Variants in LRRC42 observed in about 807,000 individuals in gnomAD.
The protein encoded by LRRC42 is leucine-rich repeat-containing protein 42.
A neutral mutation model predicts 44.3 loss-of-function variants in LRRC42; 43 were observed. The ratio of observed to expected loss-of-function variants is 0.97; its 90% CI spans 0.76 to 1.25. The LOEUF (loss-of-function observed/expected upper bound fraction) is 1.25. LRRC42 is among the 50% of genes most tolerant of loss of function. LRRC42 has a pLI of 0.00. For missense variants in LRRC42, 540 were observed against 509.1 expected (o/e 1.06, Z -0.58); for synonymous variants, 207 against 195.2 (o/e 1.06, Z -0.50).
chr1:53,947,029 A>G (rs1391898527), intron 1 of LRRC42, among the ~76,000 whole-genome samples: 1 of 149,932 alleles, frequency 6.7e-6, no homozygotes, highest in Non-Finnish European at 1.5e-5. Flanking sequence ...AAGGAAAGGG[A>G]TGGAGAGATT....
chr1:53,964,938 G>A (rs1013361837), intron 7 of LRRC42, among the ~76,000 whole-genome samples: 3 of 151,684 alleles, frequency 2.0e-5, no homozygotes, highest in Non-Finnish European at 2.9e-5. Context: ...CTACCGCCTC[G>A]GCCACCCAAA....
At chr1:53,957,531 T>C (rs1257851199) in intron 3 of LRRC42, among the ~76,000 whole-genome samples, 1 of 152,252 alleles carries the variant, frequency 6.6e-6, no homozygotes, top group African/African-American at 2.4e-5. Flanking sequence ...AAGTTGCTCG[T>C]GCTCAGGGTT....
intron 5 of LRRC42, 49 bp downstream of exon 5, chr1:53,960,523 C>G (rs944693882): frequency 7.6e-7 from 1 of 1,313,244 alleles, no homozygotes; most frequent in African/African-American, 1.5e-5. Flanking sequence ...GAAGAATGGC[C>G]TTAGAGATCA....
At chr1:53,964,167 A>G (rs1248859864) in intron 7 of LRRC42, among the ~76,000 whole-genome samples, 1 of 151,710 alleles carries the variant, frequency 6.6e-6, no homozygotes, top group Non-Finnish European at 1.5e-5. Context: ...TGAAGGAGAT[A>G]TTCTTCACCT....
At chr1:53,962,936 A>G (rs1485430551) in intron 7 of LRRC42, among the ~76,000 whole-genome samples, 2 of 152,032 alleles carry the variant, frequency 1.3e-5, no homozygotes, top group Non-Finnish European at 2.9e-5. Flanking sequence ...TTTTGTCTTG[A>G]TGGTCTTTCT....
intron 4 of LRRC42, among the ~76,000 whole-genome samples, chr1:53,959,613 T>A (rs939745401): frequency 6.6e-6 from 1 of 152,246 alleles, no homozygotes; most frequent in Non-Finnish European, 1.5e-5. Context: ...GGATTATGGG[T>A]ATACCTTATT....
chr1:53,964,846 T>C (rs1655085066), intron 7 of LRRC42, among the ~76,000 whole-genome samples: 1 of 152,058 alleles, frequency 6.6e-6, no homozygotes, highest in Non-Finnish European at 1.5e-5. Flanking sequence ...ACTCTGGAAC[T>C]GGTTTTTTGT....
chr1:53,951,917 G>C, intron 2 of LRRC42, 69 bp from the exon 3 acceptor site: 2 of 1,253,938 alleles, frequency 1.6e-6, no homozygotes, highest in Non-Finnish European at 2.2e-6. Flanking sequence ...CCTGGGCACA[G>C]CAAGATGAAG....
Position 53,967,684 on chromosome 1 carries a change from A to C in LRRC42, c.1032A>C (p.Ala344=), listed in dbSNP as rs1655163955. The change falls in exon 9 of 9, where the codon GCA becomes GCC. Residue 344 remains alanine, a synonymous_variant. Transcript: ENST00000371370. ...AQRFYGKRSR[A]EAPLKCPLAD... is the part of the protein sequence containing the mutation. Reference sequence around the variant, plus strand: ...TCACAGATGGGAAGCGGTCTCGAGCAGAAGCCCCACTGAAGTGTCCCCTGG... The same window carrying C: ...TCACAGATGGGAAGCGGTCTCGAGCCGAAGCCCCACTGAAGTGTCCCCTGG... The C allele has an allele frequency of 6.2e-7, 1 of 1,614,146 alleles. No individual in the cohort carries two copies. The highest frequency in any genetic ancestry group is 2.2e-5 in the East Asian group (1 of 44,884).
At chr1:53,951,955 G>T in intron 2 of LRRC42, 31 bp from the exon 3 acceptor site, 1 of 1,506,428 alleles carries the variant, frequency 6.6e-7, no homozygotes, top group Non-Finnish European at 9.1e-7. Flanking sequence ...CATTTTAATT[G>T]GATTTGCTTC....
chr1:53,958,142 T>G lies in LRRC42; in HGVS notation c.474-7T>G, dbSNP rs760617464. 1 of 1,613,384 alleles carries G rather than the reference T, an allele frequency of 6.2e-7. No homozygotes were observed. The highest frequency in any genetic ancestry group is 1.3e-5 in the African/African-American group (1 of 74,916). On this transcript the variant is annotated splice_region_variant and splice_polypyrimidine_tract_variant and intron_variant, in intron 3 of 8. Coordinates refer to ENST00000371370, the MANE Select transcript of LRRC42 (RefSeq NM_001256409.2). ...GGAAGCTATTGATTGCTCTCCACGC[T>G]CCGTAGGTATCTCGTGATTTCAGAA...
At chr1:53,965,372 C>G (rs1293276313) in intron 7 of LRRC42, among the ~76,000 whole-genome samples, 1 of 151,784 alleles carries the variant, frequency 6.6e-6, no homozygotes, top group African/African-American at 2.4e-5. Context: ...TCATTGCATT[C>G]CATAATAAAC....
In LRRC42 at chr1:53,967,646, T is replaced by C. The variant is rs79416338; in HGVS notation, c.1013-19T>C. ...ATATGCCAGTGTAGTGAACTCATCA[T>C]CCCTCCCTTCTGTCACAGATGGGAA... On this transcript the variant is annotated intron_variant, in intron 8 of 8. Coordinates refer to ENST00000371370, the MANE Select transcript of LRRC42 (RefSeq NM_001256409.2). 4,439 of 1,611,532 alleles carry C rather than the reference T, an allele frequency of 2.8e-3. 91 individuals carry two copies. The African/African-American group carries it at 0.052, about 19-fold the overall frequency.
chr1:53,963,946 C>CG (rs1557649202), intron 7 of LRRC42, among the ~76,000 whole-genome samples: 3 of 44,474 alleles, frequency 6.7e-5, no homozygotes, highest in Non-Finnish European at 9.1e-5. Context: ...CCCTCCTGCC[C>CG]ACCCCCCCCC....
At chr1:53,955,093 G>A (rs1333230616) in intron 3 of LRRC42, among the ~76,000 whole-genome samples, 1 of 152,006 alleles carries the variant, frequency 6.6e-6, no homozygotes, top group Non-Finnish European at 1.5e-5. Flanking sequence ...AATATTTTAA[G>A]AAACAGATTT....
intron 2 of LRRC42, 89 bp from the exon 3 acceptor site, chr1:53,951,896 GC>G: frequency 1.9e-6 from 2 of 1,038,728 alleles, no homozygotes; most frequent in Non-Finnish European, 1.4e-6. Flanking sequence ...TGCCTGGTAG[GC>G]TCATAAAGCC....
In LRRC42 at chr1:53,947,493, G is replaced by A. The variant is rs539182619; in HGVS notation, c.-48-295G>A. Among the ~76,000 whole-genome samples the A allele has an allele frequency of 2.0e-5, 3 of 152,258 alleles. No homozygotes were observed. The South Asian group carries it at 6.2e-4, about 32-fold the overall frequency. ...AATGAAGGTGGATTGTTGGTTATTG[G>A]TGGTTTAGAACTACCCATAGTTTAG... On this transcript the variant is annotated intron_variant, in intron 1 of 8. Transcript: ENST00000371370.
intron 7 of LRRC42, among the ~76,000 whole-genome samples, chr1:53,962,817 C>G (rs142438643): frequency 3.0e-4 from 45 of 152,258 alleles, no homozygotes; most frequent in Admixed American, 1.2e-3. Context: ...TATGATTCTT[C>G]TCTTTGTTTT....
intron 7 of LRRC42, among the ~76,000 whole-genome samples, chr1:53,964,585 A>G (rs1267881969): frequency 6.6e-6 from 1 of 152,188 alleles, no homozygotes; most frequent in Non-Finnish European, 1.5e-5. Context: ...ATGTTCTATT[A>G]ATCCATCCTG....
Sources: gnomAD v4.1 joint callset for allele counts (sites outside exome capture counted in the v4.1 genomes callset) on GRCh38, gnomAD v4.1.1 for gene constraint, MANE v1.5 for transcripts, NCBI Gene and HGNC (gene_info 2026-07-23, HGNC 2026-07-21) for gene names.